The following FAM13B variants were observed in gnomAD, a reference collection of about 807,000 sequenced individuals.
The protein encoded by FAM13B is protein FAM13B.
FAM13B carries 60 observed loss-of-function variants against 117.3 expected under a neutral mutation model. The ratio of observed to expected loss-of-function variants is 0.51; its 90% CI spans 0.42 to 0.63. The LOEUF is 0.63. FAM13B is among the 30% of genes least tolerant of loss of function. The probability of loss-of-function intolerance (pLI) is 0.00; values close to 1 mark genes in which losing one functional copy is unlikely to be tolerated. For missense variants in FAM13B, 972 were observed against 1,091.9 expected (o/e 0.89, Z 1.55); for synonymous variants, 332 against 356.1 (o/e 0.93, Z 0.76).
intron 10 of FAM13B, among the ~76,000 whole-genome samples, chr5:137,982,946 A>G (rs1776175815): frequency 6.6e-6 from 1 of 152,182 alleles, no homozygotes; most frequent in Non-Finnish European, 1.5e-5. Context: ...CTGGGTGCCT[A>G]GTTGGATATA....
At chr5:138,010,958 A>T (rs1414822106) in intron 6 of FAM13B, 50 bp downstream of exon 6, 4 of 499,316 alleles carry the variant, frequency 8.0e-6, no homozygotes, top group Admixed American at 2.0e-4. Context: ...TATTATTCTT[A>T]AAAAAAAAAA....
At chr5:138,012,585 A>C (rs1339087221) in intron 4 of FAM13B, among the ~76,000 whole-genome samples, 1 of 152,154 alleles carries the variant, frequency 6.6e-6, no homozygotes, top group East Asian at 1.9e-4. Flanking sequence ...ACTTTATCAC[A>C]CAAGTTAGGC....
intron 7 of FAM13B, among the ~76,000 whole-genome samples, chr5:138,001,134 A>T (rs4835664): frequency 0.74 from 112,134 of 151,934 alleles, 42,044 homozygotes; most frequent in East Asian, 0.97. Flanking sequence ...AGTTTGAGAA[A>T]TGCTAACTTA....
chr5:138,018,424 A>G lies in FAM13B; in HGVS notation c.248T>C (p.Val83Ala). 6.2e-7 allele frequency: 1 copy of G among 1,614,040 alleles called. No homozygotes were observed. The highest frequency in any genetic ancestry group is 8.5e-7 in the Non-Finnish European group (1 of 1,179,990). ...AACATCTGCTTCCTTAACCAAATCCACCTCTTCTCCGCTGTCGTATCTCTG... is the reference window on the plus strand; with the variant it reads ...AACATCTGCTTCCTTAACCAAATCCGCCTCTTCTCCGCTGTCGTATCTCTG... ...LRQRYDSGEE[V>A]DLVKEADVPS... is the part of the protein sequence containing the mutation. The change falls in exon 4 of 24, where the codon GTG (valine) becomes GCG (alanine). Residue 83 changes from valine to alanine, a missense_variant. Transcript: ENST00000689681.
At chr5:137,953,519 T>C (rs1765612042) in intron 15 of FAM13B, 54 bp from the exon 16 acceptor site, 2 of 1,579,156 alleles carry the variant, frequency 1.3e-6, no homozygotes, top group South Asian at 2.2e-5. Context: ...CAACACTGTA[T>C]CTCTTATTGC....
At chr5:138,024,708 G>A (rs1192116343) in intron 1 of FAM13B, among the ~76,000 whole-genome samples, 3 of 151,798 alleles carry the variant, frequency 2.0e-5, no homozygotes, top group Admixed American at 6.6e-5. Flanking sequence ...TAAAAGGATT[G>A]ACACAAGAGA....
In FAM13B at chr5:137,938,103, C is replaced by G. The variant is rs890404902; in HGVS notation, c.*2122G>C. On this transcript the variant is annotated 3_prime_UTR_variant, in exon 24 of 24. Coordinates refer to ENST00000689681, the MANE Select transcript of FAM13B (RefSeq NM_001385994.1). Reference sequence around the variant, plus strand: ...TTTATTTGTACCAAAGTAAAACTATCACCAACTGCCTAATTCTACCAGCTA... The same window carrying G: ...TTTATTTGTACCAAAGTAAAACTATGACCAACTGCCTAATTCTACCAGCTA... 10 of 152,274 alleles carry G rather than the reference C, an allele frequency of 6.6e-5. No individual in the cohort carries two copies. Among genetic ancestry groups the G allele is most frequent in the African/African-American group, 2.4e-4 (10 of 41,414 alleles). The allele number at this position is 152,274 out of a possible 1,614,324, so 9.4% of individuals were successfully genotyped here.
At position 137,940,133 on chromosome 5, in the gene FAM13B, A is replaced by G. The variant is rs1761203761; in HGVS notation, c.*92T>C. 6.2e-7 allele frequency: 1 copy of G among 1,614,130 alleles called. No homozygotes were observed. ...CAAAATGAGATTCTCTGAGTGCCTG[A>G]CAAAACGAATTTAAGTACCAGCCAA... On this transcript the variant is annotated 3_prime_UTR_variant, in exon 24 of 24. Transcript: ENST00000689681.
chr5:138,009,168 CAGTT>C (rs1783308379), intron 6 of FAM13B, among the ~76,000 whole-genome samples: 1 of 152,060 alleles, frequency 6.6e-6, no homozygotes, highest in Non-Finnish European at 1.5e-5. Context: ...AAAAACAAAA[CAGTT>C]AGTGAACCAT....
intron 10 of FAM13B, among the ~76,000 whole-genome samples, chr5:137,982,200 G>C (rs1316998859): frequency 6.6e-6 from 1 of 152,184 alleles, no homozygotes; most frequent in Non-Finnish European, 1.5e-5. Context: ...TATTAATCCA[G>C]GTGAGAGGAT....
chr5:137,976,815 T>C (rs1203589346), intron 10 of FAM13B, among the ~76,000 whole-genome samples: 1 of 152,182 alleles, frequency 6.6e-6, no homozygotes, highest in Admixed American at 6.6e-5. Context: ...GGAGGATGTA[T>C]TTCGCCTCAG....
At chr5:137,947,342 G>A (rs984619503) in intron 18 of FAM13B, among the ~76,000 whole-genome samples, 4 of 152,146 alleles carry the variant, frequency 2.6e-5, no homozygotes, top group Non-Finnish European at 5.9e-5. Context: ...AGTGTAGTCT[G>A]TCAAATACTG....
intron 2 of FAM13B, 63 bp downstream of exon 2, chr5:138,020,968 G>A (rs1268866922): frequency 8.9e-7 from 1 of 1,118,466 alleles, no homozygotes; most frequent in African/African-American, 1.6e-5. Flanking sequence ...CAGCTACAGG[G>A]GCAAGTTCCA....
At chr5:138,033,899 C>G (rs899069833), upstream of FAM13B, 2 of 152,210 alleles carry the variant, frequency 1.3e-5, no homozygotes, top group Non-Finnish European at 2.9e-5. Context: ...CACCACAATT[C>G]AGTTGTCCCT....
chr5:138,047,954 ATAAC>A (rs1791690273), intron 1 of FAM13B, among the ~76,000 whole-genome samples: 1 of 152,272 alleles, frequency 6.6e-6, no homozygotes, highest in Admixed American at 6.5e-5. Flanking sequence ...AAAATTTTAA[ATAAC>A]CTTTTTATTT....
upstream of FAM13B, chr5:138,036,138 A>G (rs1414670087): frequency 2.9e-6 from 1 of 340,788 alleles, no homozygotes; most frequent in South Asian, 2.3e-5. Context: ...AGGGGGTGCC[A>G]TTCACATCAT....
intron 7 of FAM13B, among the ~76,000 whole-genome samples, chr5:138,001,527 ATTCAAC>A (rs1427502493): frequency 1.3e-5 from 2 of 152,232 alleles, no homozygotes; most frequent in Non-Finnish European, 2.9e-5. Flanking sequence ...AGCTCCATTT[ATTCAAC>A]AAGTAATACT....
chr5:137,956,570 A>G (rs896493958), intron 13 of FAM13B, 28 bp from the exon 14 acceptor site: 1 of 1,540,832 alleles, frequency 6.5e-7, no homozygotes, highest in Non-Finnish European at 8.8e-7. Context: ...ATGGCAAAAA[A>G]TACTAAAGTG....
chr5:137,956,595 T>C lies in FAM13B; in HGVS notation c.1442-53A>G, dbSNP rs1766627521. 5.8e-6 allele frequency: 8 copies of C among 1,378,984 alleles called. No homozygotes were observed. In the East Asian group the frequency reaches 2.0e-4, roughly 34 times the overall value. 85.4% of individuals were successfully genotyped at this position (1,378,984 alleles called of 1,614,324 possible). ...ATACTAAAGTGAACACACAGCACAG[T>C]CAGAACAAACCATACACATAACACA... On this transcript the variant is annotated intron_variant, in intron 13 of 23. Transcript: ENST00000689681.
Sources: gnomAD v4.1 joint callset for allele counts (sites outside exome capture counted in the v4.1 genomes callset) on GRCh38, gnomAD v4.1.1 for gene constraint, MANE v1.5 for transcripts, NCBI Gene and HGNC (gene_info 2026-07-23, HGNC 2026-07-21) for gene names.